SGMS1: variants seen among roughly 807,000 people sequenced by gnomAD.
SGMS1 encodes the protein sphingomyelin synthase 1, also known as phosphatidylcholine:ceramide cholinephosphotransferase 1.
SGMS1 carries 13 observed loss-of-function variants against 46.2 expected under a neutral mutation model. That is an observed-to-expected ratio of 0.28 (90% CI 0.18 to 0.45). The LOEUF (loss-of-function observed/expected upper bound fraction) is 0.45. Ranked by LOEUF, SGMS1 falls within the 20% of genes least tolerant of loss-of-function variation. The pLI, the probability that SGMS1 is intolerant of heterozygous loss-of-function variation, is 1.00. For synonymous variants in SGMS1, 203 were observed against 187.8 expected, an observed-to-expected ratio of 1.08 and a Z score of -0.66; for missense variants, 324 against 519.9, an observed-to-expected ratio of 0.62 and a Z score of 3.66.
chr10:50,344,635 C>T (rs1182499371), intron 6 of SGMS1, among the ~76,000 whole-genome samples: 2 of 151,968 alleles, frequency 1.3e-5, no homozygotes, highest in African/African-American at 2.4e-5. Context: ...TTTGGGAGAA[C>T]GAGGCGGGCG....
chr10:50,601,307 A>G (rs1838647803), intron 1 of SGMS1, among the ~76,000 whole-genome samples: 1 of 152,244 alleles, frequency 6.6e-6, no homozygotes. Context: ...AGAAGTATGG[A>G]TTTGGCAGGC....
At chr10:50,413,298 G>A (rs1849126820) in intron 6 of SGMS1, among the ~76,000 whole-genome samples, 1 of 152,186 alleles carries the variant, frequency 6.6e-6, no homozygotes, top group African/African-American at 2.4e-5. Context: ...CTCAAACCAC[G>A]ATAATATATT....
intron 1 of SGMS1, among the ~76,000 whole-genome samples, chr10:50,593,691 C>T (rs927616724): frequency 6.6e-6 from 1 of 152,074 alleles, no homozygotes; most frequent in African/African-American, 2.4e-5. Flanking sequence ...TGATTCTAAG[C>T]CTACTATGAA....
chr10:50,432,648 T>TAGACAC (rs1308310299), intron 6 of SGMS1, among the ~76,000 whole-genome samples: 1 of 152,258 alleles, frequency 6.6e-6, no homozygotes, highest in Non-Finnish European at 1.5e-5. Context: ...CTATAGATTA[T>TAGACAC]AAATCATGAC....
intron 2 of SGMS1, among the ~76,000 whole-genome samples, chr10:50,541,332 T>C (rs1838050428): frequency 6.6e-6 from 1 of 152,208 alleles, no homozygotes; most frequent in African/African-American, 2.4e-5. Context: ...TCAAAGCAAC[T>C]TAATTCAAGC....
chr10:50,321,652 GCACAC>G (rs532637006), intron 8 of SGMS1, among the ~76,000 whole-genome samples: 1 of 152,324 alleles, frequency 6.6e-6, no homozygotes, highest in Non-Finnish European at 1.5e-5. Flanking sequence ...AATTTAAGTT[GCACAC>G]CATCCAACAG....
At chr10:50,520,343 T>C (rs1331099648) in intron 2 of SGMS1, among the ~76,000 whole-genome samples, 1 of 152,106 alleles carries the variant, frequency 6.6e-6, no homozygotes, top group Non-Finnish European at 1.5e-5. Flanking sequence ...TGCGCCGTGA[T>C]TGCACTCTAG....
intron 2 of SGMS1, among the ~76,000 whole-genome samples, chr10:50,561,018 C>T (rs539619162): frequency 6.6e-6 from 1 of 152,268 alleles, no homozygotes; most frequent in South Asian, 2.1e-4. Flanking sequence ...AGCAGAGCCT[C>T]ATAAATATTA....
At chr10:50,550,755 C>A (rs1378675048) in intron 2 of SGMS1, among the ~76,000 whole-genome samples, 1 of 152,114 alleles carries the variant, frequency 6.6e-6, no homozygotes, top group Admixed American at 6.5e-5. Flanking sequence ...AGGTCTGGGG[C>A]AAGCAAATAT....
intron 6 of SGMS1, among the ~76,000 whole-genome samples, chr10:50,361,957 C>T (rs193013546): frequency 3.6e-4 from 55 of 152,320 alleles, no homozygotes; most frequent in Admixed American, 2.0e-3. Flanking sequence ...CCCACACAAA[C>T]CAGTCATTTC....
chr10:50,624,885 G>A, upstream of SGMS1: 10 of 1,000,308 alleles, frequency 1.0e-5, no homozygotes, highest in Non-Finnish European at 1.1e-5. Flanking sequence ...GACTTGGCGA[G>A]CGGGGGAAGG....
intron 6 of SGMS1, among the ~76,000 whole-genome samples, chr10:50,385,241 ATTGT>A (rs1848666050): frequency 6.6e-6 from 1 of 152,214 alleles, no homozygotes; most frequent in African/African-American, 2.4e-5. Context: ...ACTTTGATCC[ATTGT>A]TTAAGTTAGT....
At chr10:50,604,255 C>G (rs552310849) in intron 1 of SGMS1, among the ~76,000 whole-genome samples, 14 of 152,122 alleles carry the variant, frequency 9.2e-5, no homozygotes, top group Non-Finnish European at 1.6e-4. Flanking sequence ...AGAAAGCAAA[C>G]TGGTCCCCCA....
At chr10:50,588,699 T>C (rs1427960554) in intron 2 of SGMS1, among the ~76,000 whole-genome samples, 1 of 149,246 alleles carries the variant, frequency 6.7e-6, no homozygotes, top group East Asian at 2.0e-4. Context: ...TTTGATCACA[T>C]CAGAGCACAG....
At chr10:50,536,352 CAAAA>C (rs976363045) in intron 2 of SGMS1, among the ~76,000 whole-genome samples, 2 of 151,196 alleles carry the variant, frequency 1.3e-5, no homozygotes, top group African/African-American at 4.9e-5. Context: ...AACAAACAAA[CAAAA>C]AAAACCCATT....
chr10:50,414,944 T>C (rs1849148687), intron 6 of SGMS1, among the ~76,000 whole-genome samples: 1 of 152,176 alleles, frequency 6.6e-6, no homozygotes. Flanking sequence ...TATTTTTCCA[T>C]CTTGAGTAAA....
intron 6 of SGMS1, among the ~76,000 whole-genome samples, chr10:50,401,280 T>C (rs187235783): frequency 6.6e-6 from 1 of 152,234 alleles, no homozygotes; most frequent in Non-Finnish European, 1.5e-5. Flanking sequence ...ACCCTCTTAA[T>C]CTGAACAATA....
chr10:50,617,497 T>A (rs527622730), intron 1 of SGMS1, among the ~76,000 whole-genome samples: 3 of 152,222 alleles, frequency 2.0e-5, no homozygotes, highest in Non-Finnish European at 4.4e-5. Context: ...GTTTCACAGG[T>A]ATGTACATCT....
chr10:50,418,913 C>A (rs894028761), intron 6 of SGMS1, among the ~76,000 whole-genome samples: 1 of 152,246 alleles, frequency 6.6e-6, no homozygotes, highest in East Asian at 1.9e-4. Context: ...TCCGTTACCC[C>A]GCCCCTTCAG....
Sources: gnomAD v4.1 joint callset for allele counts (sites outside exome capture counted in the v4.1 genomes callset) on GRCh38, gnomAD v4.1.1 for gene constraint, MANE v1.5 for transcripts, NCBI Gene and HGNC (gene_info 2026-07-23, HGNC 2026-07-21) for gene names.